PLA2G4E: variants seen among roughly 807,000 people sequenced by gnomAD.
The protein encoded by PLA2G4E is cytosolic phospholipase A2 epsilon.
PLA2G4E carries 84 observed loss-of-function variants against 109.1 expected under a neutral mutation model. The observed-to-expected ratio is 0.77, with a 90% CI of 0.65 to 0.92. The LOEUF (loss-of-function observed/expected upper bound fraction) is 0.92, where lower values mean the gene tolerates loss of function less well. Ranked by LOEUF, PLA2G4E falls within the 40% of genes least tolerant of loss-of-function variation. The probability of loss-of-function intolerance (pLI) is 0.00; values close to 1 mark genes in which losing one functional copy is unlikely to be tolerated. For missense variants in PLA2G4E, 1,057 were observed against 1,076.6 expected, an observed-to-expected ratio of 0.98 and a Z score of 0.25; for synonymous variants, 469 against 436.1, an observed-to-expected ratio of 1.08 and a Z score of -0.94.
chr15:42,033,769 C>T (rs918761533), intron 1 of PLA2G4E, among the ~76,000 whole-genome samples: 1 of 152,176 alleles, frequency 6.6e-6, no homozygotes, highest in African/African-American at 2.4e-5. Context: ...CTGCTGCCGC[C>T]CCGCAGCCTG....
intron 1 of PLA2G4E, among the ~76,000 whole-genome samples, chr15:42,028,339 A>G (rs981184681): frequency 9.2e-5 from 14 of 152,302 alleles, no homozygotes; most frequent in Non-Finnish European, 1.6e-4. Context: ...GCTGACCTGG[A>G]AAACTGAGAT....
At position 41,995,453 on chromosome 15, in the gene PLA2G4E, G is replaced by C; in HGVS notation, c.1154C>G (p.Ser385Cys). The change falls in exon 12 of 20, where the codon TCC (serine) becomes TGC (cysteine). Residue 385 changes from serine (S) to cysteine (C), a missense_variant. Ser to Cys is a moderately radical substitution (Grantham distance 112). Coordinates refer to ENST00000399518, the Ensembl canonical transcript of PLA2G4E. ...CAGGTGGCCATACATGGAGGTCATGGATCTTGTTCCACCCCCAGTGGCCAT... is the reference window on the plus strand; with the variant it reads ...CAGGTGGCCATACATGGAGGTCATGCATCTTGTTCCACCCCCAGTGGCCAT... 1.9e-6 allele frequency: 3 copies of C among 1,613,982 alleles called. 1 individual carries two copies. In the Admixed American group the frequency reaches 5.0e-5, roughly 27 times the overall value.
rs116189312 is a variant in PLA2G4E at position 41,999,881 on chromosome 15, G to A, written c.936+36C>T. ...CCCTACCACAGGAGCTCCAGGGGAA[G>A]TAAGTCAGGGGCCCTTCCCAGACTC... On this transcript the variant is annotated intron_variant, in intron 9 of 19. Transcript: ENST00000399518. 9.7e-4 allele frequency: 1,518 copies of A among 1,561,316 alleles called. 12 individuals are homozygous for A. The African/African-American group carries it at 0.018, about 19-fold the overall frequency.
At chr15:42,048,913 C>T (rs970278072) in intron 1 of PLA2G4E, among the ~76,000 whole-genome samples, 5 of 152,242 alleles carry the variant, frequency 3.3e-5, no homozygotes, top group Non-Finnish European at 5.9e-5. Flanking sequence ...AACCTTTCAG[C>T]TGCCACTTCT....
At chr15:41,988,189 C>T in intron 15 of PLA2G4E, 33 bp from the exon 16 acceptor site, 2 of 1,487,888 alleles carry the variant, frequency 1.3e-6, no homozygotes, top group Non-Finnish European at 1.8e-6. Context: ...GCAGCTCCAC[C>T]CTGCAGCCCC....
intron 1 of PLA2G4E, among the ~76,000 whole-genome samples, chr15:42,023,555 G>C (rs2068667160): frequency 6.6e-6 from 1 of 151,968 alleles, no homozygotes; most frequent in Non-Finnish European, 1.5e-5. Context: ...TTAAGGGAGA[G>C]ATAAGGCCAG....
At chr15:41,993,298 T>G (rs1316069462) in intron 12 of PLA2G4E, among the ~76,000 whole-genome samples, 1 of 152,192 alleles carries the variant, frequency 6.6e-6, no homozygotes, top group African/African-American at 2.4e-5. Flanking sequence ...TTAATCACCG[T>G]TCCCTTCAGT....
At chr15:41,991,136 C>T (rs1054372077) in intron 13 of PLA2G4E, among the ~76,000 whole-genome samples, 3 of 152,134 alleles carry the variant, frequency 2.0e-5, no homozygotes, top group East Asian at 1.9e-4. Context: ...AGGGAAGAGC[C>T]GGTCCACATT....
rs990132332 is a variant in PLA2G4E at position 42,013,679 on chromosome 15, A to T, written c.256+6T>A. The stretch of plus-strand genomic sequence containing the variant: ...AGAGAAGGAGAGAAGTGAGGTGGAT[A>T]CTCACGCATATCAGCCTGCCGGACA... On this transcript the variant is annotated splice_donor_region_variant and intron_variant, in intron 2 of 19. Transcript: ENST00000399518. The T allele has an allele frequency of 4.3e-5, 66 of 1,549,068 alleles. No homozygotes were observed. The East Asian group carries it at 1.6e-3, about 38-fold the overall frequency.
chr15:42,001,489 AGGTCG>A (rs1459375801), intron 6 of PLA2G4E, among the ~76,000 whole-genome samples: 1 of 152,236 alleles, frequency 6.6e-6, no homozygotes, highest in African/African-American at 2.4e-5. Flanking sequence ...CCTCAGCTGC[AGGTCG>A]GGAATCTGAC....
At chr15:42,039,600 G>T (rs1446255339) in intron 1 of PLA2G4E, among the ~76,000 whole-genome samples, 1 of 151,810 alleles carries the variant, frequency 6.6e-6, no homozygotes, top group Non-Finnish European at 1.5e-5. Flanking sequence ...CTTGGATTTA[G>T]GATATAAGAA....
chr15:42,004,609 C>T lies in PLA2G4E; in HGVS notation c.566+329G>A, dbSNP rs1047407162. On this transcript the variant is annotated intron_variant, in intron 5 of 19. Transcript: ENST00000399518. ...CTTTCTCAGCTGGGCCTCAACAAGG[C>T]CCCCATCGCCATGGTGGCAGGAACT... Among the ~76,000 whole-genome samples, 4 of 152,254 alleles carry T rather than the reference C, an allele frequency of 2.6e-5. No individual in the cohort carries two copies. The South Asian group carries it at 6.2e-4, about 24-fold the overall frequency.
chr15:41,995,181 C>A (rs2068317683), intron 12 of PLA2G4E, among the ~76,000 whole-genome samples, 179 bp downstream of exon 12: 2 of 152,236 alleles, frequency 1.3e-5, no homozygotes, highest in African/African-American at 4.8e-5. Context: ...GATACACAAG[C>A]CGAGCCTCCA....
At chr15:41,988,812 A>G (rs2068192543) in intron 15 of PLA2G4E, among the ~76,000 whole-genome samples, 1 of 152,164 alleles carries the variant, frequency 6.6e-6, no homozygotes, top group African/African-American at 2.4e-5. Flanking sequence ...TGGGGGAAGA[A>G]GTGATGGGAC....
chr15:41,986,928 G>C (rs1420085225), intron 17 of PLA2G4E: 1 of 555,554 alleles, frequency 1.8e-6, no homozygotes, highest in African/African-American at 1.9e-5. Context: ...CTGTTGTACA[G>C]ATTCTGTATA....
chr15:41,985,948 A>G (rs2068133653), exon 18 of PLA2G4E: 1 of 1,606,202 alleles, frequency 6.2e-7, no homozygotes, highest in Non-Finnish European at 8.5e-7. Context: ...AGTGTCCAGC[A>G]GGCACAGGTG....
exon 20 of PLA2G4E, chr15:41,981,681 G>A (rs541489521): frequency 3.3e-5 from 5 of 152,286 alleles, no homozygotes; most frequent in African/African-American, 4.8e-5. Context: ...GGCTGCCTTC[G>A]CCTTACGATA....
At chr15:42,009,857 C>G (rs1214479365) in intron 2 of PLA2G4E, 1 of 160,934 alleles carries the variant, frequency 6.2e-6, no homozygotes, top group Non-Finnish European at 1.4e-5. Context: ...GTAGGAACCT[C>G]CTCTGGAAGC....
At chr15:42,019,893 C>T (rs1358282779) in intron 1 of PLA2G4E, among the ~76,000 whole-genome samples, 1 of 152,214 alleles carries the variant, frequency 6.6e-6, no homozygotes, top group East Asian at 1.9e-4. Context: ...CATTTGGGGT[C>T]CCGGGCTCTT....
Sources: gnomAD v4.1 joint callset for allele counts (sites outside exome capture counted in the v4.1 genomes callset) on GRCh38, gnomAD v4.1.1 for gene constraint, MANE v1.5 for transcripts, NCBI Gene and HGNC (gene_info 2026-07-23, HGNC 2026-07-21) for gene names.